Variants in PCDHA5 observed in about 807,000 individuals in gnomAD.
PCDHA5 encodes protocadherin alpha 5, also known as protocadherin alpha-5.
A neutral mutation model predicts 61.6 loss-of-function variants in PCDHA5; 43 were observed. The observed-to-expected ratio is 0.70, with a 90% CI of 0.55 to 0.90. The LOEUF (loss-of-function observed/expected upper bound fraction) is 0.90, where lower values mean the gene tolerates loss of function less well. Ranked by LOEUF, PCDHA5 falls within the 40% of genes least tolerant of loss-of-function variation. PCDHA5 has a pLI of 0.00. For missense variants in PCDHA5, 1,298 were observed against 1,222.7 expected, an observed-to-expected ratio of 1.06 and a Z score of -0.92; for synonymous variants, 627 against 543.9, an observed-to-expected ratio of 1.15 and a Z score of -2.13.
intron 1 of PCDHA5, chr5:140,868,770 T>C (rs936187064): frequency 1.9e-5 from 5 of 257,030 alleles, no homozygotes; most frequent in Non-Finnish European, 3.7e-5. Flanking sequence ...TTAGTTTCAA[T>C]ATGACTTATA....
chr5:140,851,338 A>T (rs554817085), intron 1 of PCDHA5: 3 of 978,674 alleles, frequency 3.1e-6, no homozygotes, highest in East Asian at 9.3e-5. Flanking sequence ...AGTTCTCTAC[A>T]TTTCTCTGGA....
At chr5:140,919,306 A>T (rs1407810868) in intron 1 of PCDHA5, among the ~76,000 whole-genome samples, 1 of 152,150 alleles carries the variant, frequency 6.6e-6, no homozygotes, top group Non-Finnish European at 1.5e-5. Context: ...TGTACAATAT[A>T]TGTTTTCCCA....
intron 1 of PCDHA5, among the ~76,000 whole-genome samples, chr5:140,978,369 A>G (rs1015473344): frequency 6.6e-6 from 1 of 152,196 alleles, no homozygotes; most frequent in Non-Finnish European, 1.5e-5. Flanking sequence ...CAAACTCTGC[A>G]ATAGTTTGTT....
At chr5:140,836,147 C>T in intron 1 of PCDHA5, 1 of 1,613,754 alleles carries the variant, frequency 6.2e-7, no homozygotes, top group African/African-American at 1.3e-5. Flanking sequence ...TGGGCGCGGG[C>T]CATGTGGTGG....
chr5:140,932,398 T>TA (rs1472151465), intron 1 of PCDHA5, among the ~76,000 whole-genome samples: 1 of 151,960 alleles, frequency 6.6e-6, no homozygotes, highest in Non-Finnish European at 1.5e-5. Flanking sequence ...AGTTTCAACA[T>TA]ACCAATGTTA....
chr5:140,926,755 T>G, intron 1 of PCDHA5: 4 of 1,282,566 alleles, frequency 3.1e-6, no homozygotes, highest in Non-Finnish European at 4.0e-6. Context: ...CGGCGGTCGC[T>G]GAGTATCCAG....
chr5:140,945,948 C>T (rs782232521), intron 1 of PCDHA5, among the ~76,000 whole-genome samples: 6 of 151,900 alleles, frequency 3.9e-5, no homozygotes, highest in Non-Finnish European at 5.9e-5. Context: ...TTTTATATGA[C>T]CCTGAAAGCA....
chr5:140,908,287 C>G (rs781987945), intron 1 of PCDHA5, among the ~76,000 whole-genome samples: 1 of 152,136 alleles, frequency 6.6e-6, no homozygotes, highest in African/African-American at 2.4e-5. Flanking sequence ...TTGTTGCAAG[C>G]TGGGGAAGAG....
chr5:140,978,444 T>G (rs2096802589), intron 1 of PCDHA5, among the ~76,000 whole-genome samples: 1 of 152,248 alleles, frequency 6.6e-6, no homozygotes, highest in Non-Finnish European at 1.5e-5. Context: ...GTGTTATGAC[T>G]GGGCACATCC....
intron 1 of PCDHA5, among the ~76,000 whole-genome samples, chr5:140,973,394 A>C (rs1263015635): frequency 6.6e-6 from 1 of 152,244 alleles, no homozygotes; most frequent in African/African-American, 2.4e-5. Flanking sequence ...CAAAGAAATC[A>C]TATCTATGAG....
intron 3 of PCDHA5, among the ~76,000 whole-genome samples, chr5:141,002,136 G>C (rs2153972972): frequency 6.6e-6 from 1 of 152,374 alleles, no homozygotes; most frequent in East Asian, 1.9e-4. Flanking sequence ...GCCTTTGCCG[G>C]CTGCACTGAC....
rs2150475215 is a variant in PCDHA5 at position 140,850,243 on chromosome 5, G to C, written c.2352+26116G>C. 8.4e-5 allele frequency: 134 copies of C among 1,593,880 alleles called. 16 individuals are homozygous for C. Among genetic ancestry groups the C allele is most frequent in the South Asian group, 5.0e-4 (45 of 90,414 alleles). On this transcript the variant is annotated intron_variant, in intron 1 of 3. Transcript: ENST00000529859. ...GGCGCAGTGAGCGAGATGGTGCTGC[G>C]GTCGGTGGGCGCCGGCGTAGTGGTG... is the stretch of plus-strand genomic sequence containing the variant.
intron 3 of PCDHA5, among the ~76,000 whole-genome samples, chr5:141,009,108 A>G (rs529319870): frequency 5.3e-5 from 8 of 152,346 alleles, no homozygotes; most frequent in African/African-American, 1.9e-4. Context: ...TGTTACTATG[A>G]AACTAGATTC....
chr5:140,829,719 C>G (rs2150173312), intron 1 of PCDHA5: 42 of 1,613,424 alleles, frequency 2.6e-5, no homozygotes, highest in Non-Finnish European at 3.3e-5. Context: ...GCGGGCGTGC[C>G]GCCTCTGGGC....
chr5:140,962,920 T>C (rs2095718930), intron 1 of PCDHA5, among the ~76,000 whole-genome samples: 1 of 152,186 alleles, frequency 6.6e-6, no homozygotes, highest in South Asian at 2.1e-4. Context: ...ATTTGACAGA[T>C]ACTTCTCAAC....
chr5:140,857,262 CAT>C, intron 1 of PCDHA5: 1 of 1,598,710 alleles, frequency 6.3e-7, no homozygotes, highest in Non-Finnish European at 8.6e-7. Flanking sequence ...AATTACTACT[CAT>C]TGGTGCTGGA....
At chr5:140,857,293 G>A (rs1554149807) in intron 1 of PCDHA5, 1 of 1,598,774 alleles carries the variant, frequency 6.3e-7, no homozygotes, top group Admixed American at 1.7e-5. Flanking sequence ...TGGACCGCGA[G>A]AGGGTGTCGG....
intron 3 of PCDHA5, among the ~76,000 whole-genome samples, chr5:140,997,565 A>G (rs552009994): frequency 6.6e-6 from 1 of 152,292 alleles, no homozygotes; most frequent in South Asian, 2.1e-4. Flanking sequence ...CAACTGTCAT[A>G]TGTGTGGTCC....
intron 3 of PCDHA5, among the ~76,000 whole-genome samples, chr5:141,008,458 C>T (rs1234894606): frequency 3.9e-5 from 6 of 152,252 alleles, no homozygotes; most frequent in Middle Eastern, 3.4e-3. Context: ...CCTTCCTCTC[C>T]AGCTCTGACT....
Sources: gnomAD v4.1 joint callset for allele counts (sites outside exome capture counted in the v4.1 genomes callset) on GRCh38, gnomAD v4.1.1 for gene constraint, MANE v1.5 for transcripts, NCBI Gene and HGNC (gene_info 2026-07-23, HGNC 2026-07-21) for gene names.